MLLT6: variants seen among roughly 807,000 people sequenced by gnomAD.
MLLT6 encodes the protein MLLT6, PHD finger containing, also known as protein AF-17.
MLLT6 carries 22 observed loss-of-function variants against 103.0 expected under a neutral mutation model. The observed-to-expected ratio is 0.21, with a 90% CI of 0.15 to 0.31. The LOEUF is 0.31. Ranked by LOEUF, MLLT6 falls within the 10% of genes least tolerant of loss-of-function variation. The pLI, the probability that MLLT6 is intolerant of heterozygous loss-of-function variation, is 1.00. For synonymous variants in MLLT6, 606 were observed against 623.5 expected (o/e 0.97, Z 0.42); for missense variants, 1,199 against 1,441.7 (o/e 0.83, Z 2.73).
rs1785300691 is a variant in MLLT6, at chr17:38,717,604, C to T, written c.1824C>T (p.Ser608=). 1.2e-6 allele frequency: 2 copies of T among 1,613,690 alleles called. No homozygotes were observed. Among genetic ancestry groups the T allele is most frequent in the Middle Eastern group, 1.6e-4 (1 of 6,080 alleles). The change falls in exon 11 of 20, where the codon TCC becomes TCT. Residue 608 remains serine (S), a synonymous_variant. Coordinates refer to ENST00000621332, the MANE Select transcript of MLLT6 (RefSeq NM_005937.4). The part of the protein sequence containing the change: ...STLPSSSASI[S]TTQVFSLAGS... ...TCCCCTCCTCTTCTGCTTCTATCTC[C>T]ACCACTCAGGTGAGACCTGACTCCT...
chr17:38,715,411 A>T, intron 8 of MLLT6: 3 of 779,468 alleles, frequency 3.8e-6, no homozygotes, highest in South Asian at 4.8e-5. Context: ...CCTCTGCCTT[A>T]CACCCAGGAG....
chr17:38,719,231 A>G, intron 12 of MLLT6: 1 of 491,020 alleles, frequency 2.0e-6, no homozygotes, highest in South Asian at 2.9e-5. Context: ...AATTTCTATA[A>G]CTCTGAAGAT....
chr17:38,716,922 C>A lies in MLLT6; in HGVS notation c.1592C>A (p.Thr531Asn), dbSNP rs201846281. Reference sequence around the variant, plus strand: ...GGCCTGGGAGGTCTGTCCTCCCGAACCTTTGGGCCTTCTGGGAGCTTGCCC... The same window carrying A: ...GGCCTGGGAGGTCTGTCCTCCCGAAACTTTGGGCCTTCTGGGAGCTTGCCC... ...SSGLGGLSSR[T>N]FGPSGSLPSL... Residue 531 changes from threonine (T) to asparagine (N), a missense_variant, in exon 10 of 20, where the codon ACC (threonine) becomes AAC (asparagine). Thr to Asn is a moderately conservative substitution (Grantham distance 65, BLOSUM62 0). Around this residue, in one of 7 missense-constraint regions of MLLT6, gnomAD observed 1,034 missense variants for 1,091.5 expected, o/e 0.95. Transcript: ENST00000621332. This position sits in a 1 kb window ranked among gnomAD's most constrained non-coding sequence, Gnocchi z 5.6. The A allele has an allele frequency of 1.7e-5, 28 of 1,613,816 alleles. No homozygotes were observed. Among genetic ancestry groups the A allele is most frequent in the Admixed American group, 8.3e-5 (5 of 60,002 alleles).
chr17:38,723,278 T>G (rs1905857403), intron 18 of MLLT6, among the ~76,000 whole-genome samples: 1 of 152,178 alleles, frequency 6.6e-6, no homozygotes, highest in Non-Finnish European at 1.5e-5. Context: ...GGCAGGCAGA[T>G]CGCTTGAGCT....
At chr17:38,707,430 C>T in intron 2 of MLLT6, 56 bp from the exon 3 acceptor site, 3 of 1,570,304 alleles carry the variant, frequency 1.9e-6, no homozygotes, top group South Asian at 2.2e-5. Context: ...TGAACGTGTT[C>T]AGGGAGGGTC....
At position 38,705,670 on chromosome 17, in the gene MLLT6, A is replaced by G; in HGVS notation, c.38A>G (p.Asp13Gly). The change falls in exon 1 of 20, where the codon GAC (aspartate) becomes GGC (glycine). Residue 13 changes from aspartate (D) to glycine (G), a missense_variant. Transcript: ENST00000621332. ...GTAGGAGGCTGCTGCGTATGTTCGG[A>G]CGAGAGGGGCTGGGCCGAGAACCCG... Reference protein sequence around the residue: ...EMVGGCCVCSDERGWAENPLV... With the variant: ...EMVGGCCVCSGERGWAENPLV... 6.5e-7 allele frequency: 1 copy of G among 1,544,578 alleles called. No individual in the cohort carries two copies. Among genetic ancestry groups the G allele is most frequent in the Non-Finnish European group, 8.8e-7 (1 of 1,141,882 alleles).
Position 38,715,778 on chromosome 17 carries a change from C to G in MLLT6, c.986C>G (p.Ser329Cys), listed in dbSNP as rs747903764. ...GTGAGCAGTTTTACCTCCGCCTCCT[C>G]TTCTTCCTCCTCCTCTTCCTCCTCC... ...KGVSSFTSAS[S>C]SSSSSSSSSG... is the part of the protein sequence containing the mutation. Residue 329 changes from serine (S) to cysteine (C), a missense_variant, in exon 9 of 20, where the codon TCT becomes TGT. Physicochemically the swap from Ser to Cys is moderately radical, Grantham distance 112. Transcript: ENST00000621332. 1 of 1,611,928 alleles carries G rather than the reference C, an allele frequency of 6.2e-7. No homozygotes were observed. Among genetic ancestry groups the G allele is most frequent in the East Asian group, 2.2e-5 (1 of 44,844 alleles).
Position 38,716,991 on chromosome 17 carries a change from C to T in MLLT6, c.1651+10C>T. On this transcript the variant is annotated intron_variant, in intron 10 of 19. Coordinates refer to ENST00000621332, the MANE Select transcript of MLLT6 (RefSeq NM_005937.4). This position sits in a 1 kb window ranked among gnomAD's most constrained non-coding sequence, Gnocchi z 5.6. ...CCCTTACTAGGGGCAGGTTAGTGAC[C>T]CCTGGGGACAGAGGGCATTTCAGGG... is the stretch of plus-strand genomic sequence containing the variant. 2 of 1,612,630 alleles carry T rather than the reference C, an allele frequency of 1.2e-6. No homozygotes were observed. Among genetic ancestry groups the T allele is most frequent in the Non-Finnish European group, 1.7e-6 (2 of 1,179,680 alleles).
chr17:38,722,567 C>A lies in MLLT6; in HGVS notation c.2793-111C>A. On this transcript the variant is annotated intron_variant, in intron 17 of 19. Transcript: ENST00000621332. ...AAGATCGCACATCCCTGCCTTGCTTCCCCTGGGTCTGAGGGAGTCTAGGGG... is the reference window on the plus strand; with the variant it reads ...AAGATCGCACATCCCTGCCTTGCTTACCCTGGGTCTGAGGGAGTCTAGGGG... 3 of 695,280 alleles carry A rather than the reference C, an allele frequency of 4.3e-6. No homozygotes were observed. In the South Asian group the frequency reaches 5.1e-5, roughly 12 times the overall value. 43.1% of individuals were successfully genotyped at this position (695,280 alleles called of 1,614,324 possible).
rs370458460 is a variant in MLLT6 at position 38,717,876 on chromosome 17, T to C, written c.1865T>C (p.Leu622Pro). Residue 622 changes from leucine (L) to proline (P), a missense_variant, in exon 12 of 20, where the codon CTC (leucine) becomes CCC (proline). This residue lies in a region of MLLT6 where 1,034 missense variants were observed against 1,091.5 expected (regional missense o/e 0.95). Transcript: ENST00000621332. The stretch of plus-strand genomic sequence containing the variant: ...TCTCTGGCTGGCTCTACCTTTAGCC[T>C]CCCTTCTACCCACATCTTTGGAACC... ...VFSLAGSTFSLPSTHIFGTPM... is the reference protein window; with the variant it reads ...VFSLAGSTFSPPSTHIFGTPM... The C allele has an allele frequency of 3.1e-6, 5 of 1,613,910 alleles. No individual in the cohort carries two copies. In the African/African-American group the frequency reaches 5.3e-5, roughly 17 times the overall value.
chr17:38,706,787 G>A (rs7226104), intron 1 of MLLT6, 163 bp from the exon 2 acceptor site: 7,692 of 494,918 alleles, frequency 0.016, 458 homozygotes, highest in African/African-American at 0.13. Context: ...GGTGTTGGGC[G>A]GTTGGGCAGT....
rs1382372479 is a variant in MLLT6 at position 38,722,728 on chromosome 17, A to T, written c.2843A>T (p.Gln948Leu). 6.7e-7 allele frequency: 1 copy of T among 1,493,562 alleles called. No individual in the cohort carries two copies. The highest frequency in any genetic ancestry group is 9.0e-7 in the Non-Finnish European group (1 of 1,111,704). The allele number at this position is 1,493,562 out of a possible 1,614,324, so 92.5% of individuals were successfully genotyped here. A position where few individuals can be genotyped will look rare whatever the true frequency, so the allele number is the denominator to read the frequency against. The change falls in exon 18 of 20, where the codon CAG becomes CTG. Residue 948 changes from glutamine (Q) to leucine (L), a missense_variant. This residue lies in a region of MLLT6 where 1,034 missense variants were observed against 1,091.5 expected (regional missense o/e 0.95). Transcript: ENST00000621332. The stretch of plus-strand genomic sequence containing the variant: ...CTTCAGCAGCAAGAGCAGCAGCTCC[A>T]GCAACTCCAGCAGCTCCTGGCCTCC... The part of the protein sequence containing the change: ...HLLQQQEQQL[Q>L]QLQQLLASPQ...
chr17:38,705,458 A>C lies in MLLT6; in HGVS notation c.-175A>C. ...CCAGACAGAGCGAGCGAGGAGGAGG[A>C]GGAGGAGGACGCGGAGGAGGAGGAA... is the stretch of plus-strand genomic sequence containing the variant. On this transcript the variant is annotated 5_prime_UTR_variant, in exon 1 of 20. Coordinates refer to ENST00000621332, the MANE Select transcript of MLLT6 (RefSeq NM_005937.4). The C allele has an allele frequency of 2.4e-6, 1 of 419,646 alleles. No individual in the cohort carries two copies. The allele number at this position is 419,646 out of a possible 1,614,324, so 26.0% of individuals were successfully genotyped here.
intron 7 of MLLT6, 116 bp downstream of exon 7, chr17:38,712,130 C>A (rs1481634959): frequency 1.2e-5 from 17 of 1,369,592 alleles, no homozygotes; most frequent in Non-Finnish European, 1.5e-5. Flanking sequence ...CTTCTTCCTT[C>A]CTCTGAGGCC....
intron 19 of MLLT6, 140 bp from the exon 20 acceptor site, chr17:38,725,417 C>T: frequency 2.6e-6 from 2 of 755,714 alleles, no homozygotes; most frequent in Non-Finnish European, 4.4e-6. Flanking sequence ...GGTGCACACC[C>T]CTCAGAGCCC....
At chr17:38,718,005 C>A (rs1283703409) in intron 12 of MLLT6, 52 bp downstream of exon 12, 10 of 1,249,484 alleles carry the variant, frequency 8.0e-6, no homozygotes, top group African/African-American at 1.5e-5. Flanking sequence ...GTCGGACACC[C>A]ATCACCTGCA....
At chr17:38,707,643 G>C in intron 3 of MLLT6, 103 bp downstream of exon 3, 1 of 1,335,638 alleles carries the variant, frequency 7.5e-7, no homozygotes, top group Non-Finnish European at 1.1e-6. Context: ...CCTTTCCCTG[G>C]CTGGCGCTGG....
chr17:38,725,299 C>T, intron 19 of MLLT6: 3 of 541,930 alleles, frequency 5.5e-6, no homozygotes, highest in Non-Finnish European at 9.7e-6. Flanking sequence ...AGGCCAATGT[C>T]AGAAAGGCCC....
Position 38,724,856 on chromosome 17 carries a change from CGCAGCAGCTGCAGCTGCAGCAGTA to C in MLLT6, c.3129_3152del (p.Ala1044_Ala1051del). 3.2e-6 allele frequency: 5 copies of C among 1,575,896 alleles called. No individual in the cohort carries two copies. Among genetic ancestry groups the C allele is most frequent in the South Asian group, 1.2e-5 (1 of 86,650 alleles). On this transcript the variant is annotated inframe_deletion, in exon 19 of 20. Transcript: ENST00000621332. The surrounding 1 kb of genome is among the most constrained non-coding windows in gnomAD (Gnocchi z 5.4). ...TTGGCAACAACACAAGTCTCATGGCCGCAGCAGCTGCAGCTGCAGCAGTAGCAGCAGCAGGCGGACCTCCAGTCC... is the reference window on the plus strand; with the variant it reads ...TTGGCAACAACACAAGTCTCATGGCCGCAGCAGCAGGCGGACCTCCAGTCC...
Sources: allele counts gnomAD v4.1 joint callset (sites outside exome capture counted in the v4.1 genomes callset), GRCh38; gene constraint gnomAD v4.1.1; regional missense constraint gnomAD v4.1.1; non-coding constraint Gnocchi (gnomAD v3.1); transcripts MANE v1.5; gene names NCBI Gene and HGNC (gene_info 2026-07-23, HGNC 2026-07-21).